MYPN: variants seen among roughly 807,000 people sequenced by gnomAD.
MYPN encodes the protein sarcomeric protein myopalladin, 145 kDa (MYOP).
In MYPN, 63 loss-of-function variants were observed where a neutral mutation model predicts 129.4. The ratio of observed to expected loss-of-function variants is 0.49; its 90% CI spans 0.40 to 0.60. The LOEUF (loss-of-function observed/expected upper bound fraction) is 0.60, where lower values mean the gene tolerates loss of function less well. Among genes scored for constraint, MYPN ranks in the 20% least tolerant of loss-of-function variants. MYPN has a pLI of 0.00. For missense variants in MYPN, 1,596 were observed against 1,635.4 expected, an observed-to-expected ratio of 0.98 and a Z score of 0.42; for synonymous variants, 629 against 600.9, an observed-to-expected ratio of 1.05 and a Z score of -0.68.
At chr10:68,168,866 G>A (rs2043094588) in intron 10 of MYPN, among the ~76,000 whole-genome samples, 1 of 151,826 alleles carries the variant, frequency 6.6e-6, no homozygotes, top group South Asian at 2.1e-4. Context: ...GGTGGCGCGT[G>A]CCTTTAATCC....
chr10:68,175,148 A>T (rs553609035), intron 11 of MYPN, among the ~76,000 whole-genome samples, 175 bp from the exon 12 acceptor site: 118 of 152,068 alleles, frequency 7.8e-4, no homozygotes, highest in African/African-American at 1.8e-3. Flanking sequence ...AAAATTTTTT[A>T]AATTAAAGTA....
intron 2 of MYPN, among the ~76,000 whole-genome samples, chr10:68,129,855 C>G (rs568236190): frequency 5.3e-4 from 81 of 152,168 alleles, no homozygotes; most frequent in Non-Finnish European, 1.0e-3. Flanking sequence ...GAGATTGGCT[C>G]TAATAAACAT....
intron 4 of MYPN, 26 bp downstream of exon 4, chr10:68,145,552 C>A: frequency 2.5e-6 from 4 of 1,583,556 alleles, no homozygotes; most frequent in Non-Finnish European, 3.5e-6. Flanking sequence ...TGTCTTATAG[C>A]TTTAGCATCC....
intron 10 of MYPN, among the ~76,000 whole-genome samples, chr10:68,173,443 A>G (rs1456812097): frequency 6.6e-6 from 1 of 152,028 alleles, no homozygotes; most frequent in Admixed American, 6.6e-5. Context: ...TTGTTGCACA[A>G]CTCCAAGGTC....
upstream of MYPN, chr10:68,106,288 GT>G (rs565178181): frequency 5.6e-3 from 1,865 of 333,048 alleles, 4 homozygotes; most frequent in African/African-American, 0.012. Context: ...TGAACTTTTA[GT>G]TTTTTTTTTT....
intron 2 of MYPN, among the ~76,000 whole-genome samples, chr10:68,132,143 A>G (rs1196489648): frequency 2.0e-5 from 3 of 152,176 alleles, no homozygotes; most frequent in Non-Finnish European, 4.4e-5. Context: ...ATAACATATT[A>G]TGTAGGATTT....
chr10:68,210,988 C>T lies in MYPN; in HGVS notation c.*533C>T, dbSNP rs1327084261. On this transcript the variant is annotated 3_prime_UTR_variant, in exon 20 of 20. Coordinates refer to ENST00000358913, the MANE Select transcript of MYPN (RefSeq NM_032578.4). ...TTAGGAGGTCATGCCATACAACTCA[C>T]GTATGCGGGCAAACACTTTTGATTT... is the stretch of plus-strand genomic sequence containing the variant. 1.1e-5 allele frequency: 5 copies of T among 454,058 alleles called. No individual in the cohort carries two copies. Among genetic ancestry groups the T allele is most frequent in the South Asian group, 3.1e-5 (2 of 64,472 alleles). 28.1% of individuals were successfully genotyped at this position (454,058 alleles called of 1,614,324 possible).
chr10:68,184,122 T>C (rs1231039541), intron 12 of MYPN, among the ~76,000 whole-genome samples: 1 of 152,246 alleles, frequency 6.6e-6, no homozygotes, highest in Non-Finnish European at 1.5e-5. Flanking sequence ...GGGACTGGTA[T>C]TCTTGTTTCT....
At position 68,178,767 on chromosome 10, in the gene MYPN, A is replaced by T. The variant is rs180967544; in HGVS notation, c.2703+3306A>T. Among the ~76,000 whole-genome samples, 647 of 151,838 alleles carry T rather than the reference A, an allele frequency of 4.3e-3. 6 individuals carry two copies. Among genetic ancestry groups the T allele is most frequent in the African/African-American group, 0.015 (603 of 41,426 alleles). On this transcript the variant is annotated intron_variant, in intron 12 of 19. Transcript: ENST00000358913. ...CAAAGCATAATGGAGCTTTCATGAC[A>T]AATGATTTTAATTCATACATGACTT...
chr10:68,142,866 A>T, intron 2 of MYPN, 74 bp from the exon 3 acceptor site: 1 of 1,371,706 alleles, frequency 7.3e-7, no homozygotes, highest in Non-Finnish European at 1.0e-6. Flanking sequence ...CTCATTTAAG[A>T]GAATATCTGG....
At chr10:68,102,288 C>A (rs2041985639), upstream of MYPN, among the ~76,000 whole-genome samples, 1 of 151,858 alleles carries the variant, frequency 6.6e-6, no homozygotes, top group Admixed American at 6.6e-5. Context: ...CCACGCCCAG[C>A]TAATTATTTT....
rs149201880 is a variant in MYPN, at chr10:68,211,065, G to A, written c.*610G>A. The A allele has an allele frequency of 1.7e-3, 794 of 454,120 alleles. 7 individuals are homozygous for A. The highest frequency in any genetic ancestry group is 0.014 in the African/African-American group (724 of 50,124). The allele number at this position is 454,120 out of a possible 1,614,324, so 28.1% of individuals were successfully genotyped here. ...TAATAAGGTGTCAAAATGTGCTTGA[G>A]ATTCCAAAAACTTGCTGAAACACTT... On this transcript the variant is annotated 3_prime_UTR_variant, in exon 20 of 20. Coordinates refer to ENST00000358913, the MANE Select transcript of MYPN (RefSeq NM_032578.4).
At chr10:68,206,113 G>A (rs1206476327) in intron 18 of MYPN, among the ~76,000 whole-genome samples, 1 of 152,176 alleles carries the variant, frequency 6.6e-6, no homozygotes, top group Non-Finnish European at 1.5e-5. Flanking sequence ...AAGGGGTGTA[G>A]GGAACATGTG....
At chr10:68,182,501 T>G (rs371172572) in intron 12 of MYPN, among the ~76,000 whole-genome samples, 1 of 117,348 alleles carries the variant, frequency 8.5e-6, no homozygotes, top group African/African-American at 3.4e-5. Context: ...CACACACATA[T>G]ATATATATGG....
chr10:68,103,486 A>G (rs1163208467), upstream of MYPN, among the ~76,000 whole-genome samples: 1 of 152,242 alleles, frequency 6.6e-6, no homozygotes, highest in Non-Finnish European at 1.5e-5. Flanking sequence ...ACACAAAGTC[A>G]ATAAAACTAA....
At chr10:68,157,842 A>C (rs1488439784) in intron 6 of MYPN, among the ~76,000 whole-genome samples, 2 of 97,278 alleles carry the variant, frequency 2.1e-5, no homozygotes, top group Non-Finnish European at 4.8e-5. Context: ...AACCTGTCTC[A>C]GAAAAAAACA....
chr10:68,176,024 T>C (rs191230364), intron 12 of MYPN, among the ~76,000 whole-genome samples: 1 of 152,294 alleles, frequency 6.6e-6, no homozygotes, highest in Admixed American at 6.5e-5. Flanking sequence ...ATTACAGGCA[T>C]AAGACACCAC....
At chr10:68,099,175 A>G (rs1370412917) in intron 1 of MYPN, among the ~76,000 whole-genome samples, 5 of 152,146 alleles carry the variant, frequency 3.3e-5, no homozygotes, top group Non-Finnish European at 7.4e-5. Flanking sequence ...CTAATAGATA[A>G]AATTTGGGGT....
At chr10:68,093,032 A>G (rs2041937984) in intron 1 of MYPN, among the ~76,000 whole-genome samples, 1 of 152,052 alleles carries the variant, frequency 6.6e-6, no homozygotes, top group Admixed American at 6.5e-5. Flanking sequence ...TTATCTGAAA[A>G]CAGATAATTT....
Sources: gnomAD v4.1 joint callset for allele counts (sites outside exome capture counted in the v4.1 genomes callset) on GRCh38, gnomAD v4.1.1 for gene constraint, MANE v1.5 for transcripts, NCBI Gene and HGNC (gene_info 2026-07-23, HGNC 2026-07-21) for gene names.